HSPA4L: variants seen among roughly 807,000 people sequenced by gnomAD.
The protein encoded by HSPA4L is heat shock protein family A (Hsp70) member 4 like.
A neutral mutation model predicts 100.3 loss-of-function variants in HSPA4L; 48 were observed. The observed-to-expected ratio is 0.48, with a 90% CI of 0.38 to 0.61. HSPA4L has a LOEUF of 0.61. Ranked by LOEUF, HSPA4L falls within the 20% of genes least tolerant of loss-of-function variation. The pLI, the probability that HSPA4L is intolerant of heterozygous loss-of-function variation, is 0.00. For missense variants in HSPA4L, 886 were observed against 988.6 expected (o/e 0.90, Z 1.39); for synonymous variants, 319 against 328.2 (o/e 0.97, Z 0.30).
intron 3 of HSPA4L, among the ~76,000 whole-genome samples, chr4:127,797,675 C>T (rs900318821): frequency 7.4e-5 from 11 of 148,718 alleles, no homozygotes; most frequent in Admixed American, 7.4e-4. Context: ...AATCTCGGCT[C>T]ACTGCAAGCT....
Position 127,836,561 on chromosome 4 carries a change from A to T in HSPA4L, c.*3687A>T, listed in dbSNP as rs1734217751. 6.6e-6 allele frequency: 1 copy of T among 151,998 alleles called. No homozygotes were observed. The highest frequency in any genetic ancestry group is 2.1e-4 in the South Asian group (1 of 4,822). The allele number at this position is 151,998 out of a possible 1,614,324, so 9.4% of individuals were successfully genotyped here. On this transcript the variant is annotated 3_prime_UTR_variant, in exon 19 of 19. Coordinates refer to ENST00000296464, the MANE Select transcript of HSPA4L (RefSeq NM_014278.4). ...TCAATTTTTAGTATATTTGTGATTA[A>T]TTCCATGATAGAAGTCTTTAAAGAG... is the stretch of plus-strand genomic sequence containing the variant.
intron 1 of HSPA4L, 88 bp downstream of exon 1, chr4:127,782,745 G>GT: frequency 2.0e-6 from 2 of 1,001,262 alleles, no homozygotes; most frequent in Non-Finnish European, 2.9e-6. Flanking sequence ...TCGCTTCCTC[G>GT]GATTTTCCCC....
rs1221129666 is a variant in HSPA4L at position 127,835,051 on chromosome 4, TGAAA to T, written c.*2180_*2183del. On this transcript the variant is annotated 3_prime_UTR_variant, in exon 19 of 19. Coordinates refer to ENST00000296464, the MANE Select transcript of HSPA4L (RefSeq NM_014278.4). The stretch of plus-strand genomic sequence containing the variant: ...TGTATTTATTTATTTAATTCATTAA[TGAAA>T]GAGAGTGCTCTCTTTAATGCAGCTT... 4 of 152,236 alleles carry T rather than the reference TGAAA, an allele frequency of 2.6e-5. No individual in the cohort carries two copies. The highest frequency in any genetic ancestry group is 7.2e-5 in the African/African-American group (3 of 41,468). The allele number at this position is 152,236 out of a possible 1,614,324, so 9.4% of individuals were successfully genotyped here.
intron 12 of HSPA4L, among the ~76,000 whole-genome samples, chr4:127,816,597 A>G (rs1289075646): frequency 6.6e-6 from 1 of 152,192 alleles, no homozygotes; most frequent in African/African-American, 2.4e-5. Context: ...GTTGGTTGAA[A>G]ACAGGTTGTG....
intron 14 of HSPA4L, among the ~76,000 whole-genome samples, chr4:127,822,317 T>C (rs1733834958): frequency 6.6e-6 from 1 of 152,206 alleles, no homozygotes; most frequent in Non-Finnish European, 1.5e-5. Flanking sequence ...ACTTCAAGAT[T>C]CCTTGTTTCA....
In HSPA4L at chr4:127,813,333, A is replaced by T. The variant is rs1319796761; in HGVS notation, c.1578+1697A>T. On this transcript the variant is annotated intron_variant, in intron 12 of 18. Transcript: ENST00000296464. ...ATAATTACTATGCATCTTTCTTCCAAATTGATCAGAATTCAACCACTAGAC... is the reference window on the plus strand; with the variant it reads ...ATAATTACTATGCATCTTTCTTCCATATTGATCAGAATTCAACCACTAGAC... 3 of 622,574 alleles carry T rather than the reference A, an allele frequency of 4.8e-6. No homozygotes were observed. The East Asian group carries it at 8.3e-5, about 17-fold the overall frequency. The allele number at this position is 622,574 out of a possible 1,614,324, so 38.6% of individuals were successfully genotyped here.
At chr4:127,783,795 G>C (rs1732636454) in intron 1 of HSPA4L, 1 of 919,734 alleles carries the variant, frequency 1.1e-6, no homozygotes, top group Non-Finnish European at 1.6e-6. Flanking sequence ...CTATTCTATG[G>C]AAAGCTTTAA....
At chr4:127,822,188 C>T (rs986378723) in intron 14 of HSPA4L, among the ~76,000 whole-genome samples, 2 of 152,144 alleles carry the variant, frequency 1.3e-5, no homozygotes, top group Admixed American at 6.6e-5. Context: ...CCTCCCTTCT[C>T]CCAGTTCCCT....
chr4:127,809,131 A>G (rs1415199314), intron 11 of HSPA4L: 2 of 703,780 alleles, frequency 2.8e-6, no homozygotes, highest in Non-Finnish European at 5.1e-6. Context: ...TGAAGTGCTC[A>G]CCATTTGCCA....
chr4:127,832,618 T>A, intron 18 of HSPA4L, 65 bp from the exon 19 acceptor site: 1 of 1,329,442 alleles, frequency 7.5e-7, no homozygotes, highest in South Asian at 1.6e-5. Flanking sequence ...AATGTGGAAT[T>A]TAGAAAGTTA....
At chr4:127,804,120 A>G in intron 8 of HSPA4L, 33 bp downstream of exon 8, 1 of 1,547,318 alleles carries the variant, frequency 6.5e-7, no homozygotes, top group African/African-American at 1.4e-5. Context: ...TCAAAACTGT[A>G]CCATAATGTT....
At chr4:127,800,448 G>T (rs1191707247) in intron 4 of HSPA4L, among the ~76,000 whole-genome samples, 1 of 152,038 alleles carries the variant, frequency 6.6e-6, no homozygotes, top group Non-Finnish European at 1.5e-5. Context: ...AGCCTGTGAG[G>T]CAGAGCTAGA....
At position 127,813,004 on chromosome 4, in the gene HSPA4L, T is replaced by C. The variant is rs376325033; in HGVS notation, c.1578+1368T>C. 36 of 858,484 alleles carry C rather than the reference T, an allele frequency of 4.2e-5. No homozygotes were observed. In the African/African-American group the frequency reaches 5.2e-4, roughly 12 times the overall value. The allele number at this position is 858,484 out of a possible 1,614,324, so 53.2% of individuals were successfully genotyped here. On this transcript the variant is annotated intron_variant, in intron 12 of 18. Transcript: ENST00000296464. ...AATGCCAACAGCATGCTGGGTAACA[T>C]TGTAGACTCTTCCAGTTTTGCCATG...
chr4:127,831,501 T>TAAA (rs770152039), intron 18 of HSPA4L, among the ~76,000 whole-genome samples: 3 of 103,420 alleles, frequency 2.9e-5, no homozygotes, highest in Non-Finnish European at 3.9e-5. Flanking sequence ...CCTTGTCTAT[T>TAAA]AAAAAAAAAA....
At chr4:127,819,180 A>G (rs1361276045) in intron 13 of HSPA4L, among the ~76,000 whole-genome samples, 1 of 152,202 alleles carries the variant, frequency 6.6e-6, no homozygotes, top group East Asian at 1.9e-4. Flanking sequence ...AAAAATTAAT[A>G]CTTTCAAAAA....
At chr4:127,812,445 C>A (rs1733560030) in intron 12 of HSPA4L, among the ~76,000 whole-genome samples, 1 of 149,606 alleles carries the variant, frequency 6.7e-6, no homozygotes, top group Non-Finnish European at 1.5e-5. Context: ...GATTTTTTAA[C>A]TTTATTAAAG....
intron 12 of HSPA4L, 47 bp from the exon 13 acceptor site, chr4:127,818,277 CA>C (rs745815461): frequency 1.5e-4 from 203 of 1,324,512 alleles, no homozygotes; most frequent in South Asian, 2.7e-4. Flanking sequence ...ATTTTTAAAA[CA>C]AAAAAAAGAC....
At chr4:127,786,686 C>T (rs1367671419) in intron 1 of HSPA4L, among the ~76,000 whole-genome samples, 3 of 152,174 alleles carry the variant, frequency 2.0e-5, no homozygotes, top group African/African-American at 7.2e-5. Flanking sequence ...AGGCTAGTCT[C>T]GAACTCCTGG....
intron 11 of HSPA4L, among the ~76,000 whole-genome samples, chr4:127,810,794 C>T (rs1035333669): frequency 4.6e-5 from 7 of 152,150 alleles, no homozygotes; most frequent in African/African-American, 1.7e-4. Flanking sequence ...TGAGGTACTA[C>T]GCACAGTGTG....
Sources: gnomAD v4.1 joint callset for allele counts (sites outside exome capture counted in the v4.1 genomes callset) on GRCh38, gnomAD v4.1.1 for gene constraint, MANE v1.5 for transcripts, NCBI Gene and HGNC (gene_info 2026-07-23, HGNC 2026-07-21) for gene names.